The following CDH18 variants were observed in gnomAD, a reference collection of about 807,000 sequenced individuals.
CDH18 encodes the protein cadherin 18.
CDH18 carries 31 observed loss-of-function variants against 67.9 expected under a neutral mutation model. The observed-to-expected ratio is 0.46, with a 90% CI of 0.34 to 0.62. CDH18 has a LOEUF of 0.62. Among genes scored for constraint, CDH18 ranks in the 20% least tolerant of loss-of-function variants. The probability of loss-of-function intolerance (pLI) is 0.01; values close to 1 mark genes in which losing one functional copy is unlikely to be tolerated. For missense variants in CDH18, 890 were observed against 975.5 expected, an observed-to-expected ratio of 0.91 and a Z score of 1.17; for synonymous variants, 362 against 347.2, an observed-to-expected ratio of 1.04 and a Z score of -0.48.
chr5:20,235,331 A>T (rs1474589945), intron 2 of CDH18, among the ~76,000 whole-genome samples: 2 of 152,180 alleles, frequency 1.3e-5, no homozygotes, highest in Non-Finnish European at 2.9e-5. Context: ...CTATCAACAG[A>T]GTAAACAGAC....
intron 2 of CDH18, among the ~76,000 whole-genome samples, chr5:19,980,847 G>A (rs1327763349): frequency 6.6e-6 from 1 of 152,070 alleles, no homozygotes; most frequent in East Asian, 1.9e-4. Flanking sequence ...GCAAAACTCA[G>A]GTCTTTACTT....
chr5:20,464,417 G>A (rs1211762379), intron 1 of CDH18, among the ~76,000 whole-genome samples: 1 of 151,946 alleles, frequency 6.6e-6, no homozygotes, highest in Non-Finnish European at 1.5e-5. Flanking sequence ...AGAGTTCTTG[G>A]AAATAGTAAG....
intron 1 of CDH18, among the ~76,000 whole-genome samples, chr5:20,431,299 T>A (rs1748716288): frequency 6.6e-6 from 1 of 151,930 alleles, no homozygotes; most frequent in South Asian, 2.1e-4. Flanking sequence ...GAGACCAGTC[T>A]GGCCAATATG....
chr5:20,466,341 T>C (rs1455213338), intron 1 of CDH18, among the ~76,000 whole-genome samples: 2 of 152,084 alleles, frequency 1.3e-5, no homozygotes, highest in Admixed American at 6.6e-5. Context: ...CAATGTGCAG[T>C]ACATGATTTC....
chr5:20,546,698 A>G (rs1757364037), intron 1 of CDH18, among the ~76,000 whole-genome samples: 1 of 151,944 alleles, frequency 6.6e-6, no homozygotes, highest in Non-Finnish European at 1.5e-5. Flanking sequence ...TTACAATTCA[A>G]GATGAGATTT....
chr5:19,931,944 C>G (rs1793741342), intron 2 of CDH18, among the ~76,000 whole-genome samples: 1 of 151,718 alleles, frequency 6.6e-6, no homozygotes, highest in Non-Finnish European at 1.5e-5. Flanking sequence ...TCCCTCTATC[C>G]TATGCCACCT....
At chr5:19,594,365 C>T (rs1285179682) in intron 6 of CDH18, among the ~76,000 whole-genome samples, 1 of 152,096 alleles carries the variant, frequency 6.6e-6, no homozygotes, top group African/African-American at 2.4e-5. Context: ...GTTGGCCAGA[C>T]TGGTCTTGAA....
chr5:20,413,340 C>A (rs1384674540), intron 1 of CDH18, among the ~76,000 whole-genome samples: 1 of 152,160 alleles, frequency 6.6e-6, no homozygotes, highest in African/African-American at 2.4e-5. Context: ...AATGGGATGG[C>A]TGGGTCAAAT....
intron 3 of CDH18, among the ~76,000 whole-genome samples, chr5:19,785,422 G>A (rs1287159456): frequency 1.3e-5 from 2 of 150,998 alleles, no homozygotes; most frequent in African/African-American, 4.9e-5. Flanking sequence ...GGAGGCCGAG[G>A]CGGGCAGATC....
At chr5:20,494,358 A>C (rs1446921627) in intron 1 of CDH18, among the ~76,000 whole-genome samples, 2 of 152,094 alleles carry the variant, frequency 1.3e-5, no homozygotes, top group Admixed American at 1.3e-4. Context: ...GTCTGCAGGG[A>C]GTGTTCAAAG....
intron 2 of CDH18, among the ~76,000 whole-genome samples, chr5:20,164,336 T>C (rs571967489): frequency 1.3e-5 from 2 of 152,264 alleles, no homozygotes; most frequent in South Asian, 4.1e-4. Flanking sequence ...GCCCAGGCTG[T>C]AGTGCAGTGG....
chr5:20,183,299 A>G (rs570423652), intron 2 of CDH18, among the ~76,000 whole-genome samples: 1 of 152,230 alleles, frequency 6.6e-6, no homozygotes, highest in African/African-American at 2.4e-5. Flanking sequence ...AAATTCCCTC[A>G]GTAGTTTAGT....
chr5:19,901,390 C>A (rs182361019), intron 2 of CDH18, among the ~76,000 whole-genome samples: 1 of 152,188 alleles, frequency 6.6e-6, no homozygotes, highest in Non-Finnish European at 1.5e-5. Flanking sequence ...GTCTCCAAGA[C>A]ATCTTTCTTC....
intron 1 of CDH18, among the ~76,000 whole-genome samples, chr5:20,318,703 T>G (rs1020272060): frequency 6.6e-6 from 1 of 152,144 alleles, no homozygotes; most frequent in Admixed American, 6.5e-5. Flanking sequence ...ATGGTGACGA[T>G]GGTGACATGT....
chr5:19,858,087 A>G (rs780859879), intron 2 of CDH18, among the ~76,000 whole-genome samples: 13 of 152,180 alleles, frequency 8.5e-5, no homozygotes, highest in Non-Finnish European at 1.6e-4. Flanking sequence ...TGATAATGTT[A>G]ACTCAAAGCA....
intron 2 of CDH18, among the ~76,000 whole-genome samples, chr5:19,994,093 GGA>G (rs1326843804): frequency 6.6e-6 from 1 of 152,010 alleles, no homozygotes; most frequent in Non-Finnish European, 1.5e-5. Context: ...TCTTGAAAGA[GGA>G]ATAAAGCAGA....
rs1276175973 is a variant in CDH18, at chr5:19,471,804, GATA to G, written c.*1419_*1421del. ...TGAAGATTTCATGAAATTCTCCTGT[GATA>G]ATATTTTATGCCAGATGCATGTAAA... is the stretch of plus-strand genomic sequence containing the variant. On this transcript the variant is annotated 3_prime_UTR_variant, in exon 13 of 13. Transcript: ENST00000382275. Among the ~76,000 whole-genome samples, 2 of 152,134 alleles carry G rather than the reference GATA, an allele frequency of 1.3e-5. No individual in the cohort carries two copies. Among genetic ancestry groups the G allele is most frequent in the Non-Finnish European group, 1.5e-5 (1 of 68,028 alleles).
At chr5:20,448,147 G>A (rs562312701) in intron 1 of CDH18, among the ~76,000 whole-genome samples, 1 of 152,064 alleles carries the variant, frequency 6.6e-6, no homozygotes, top group South Asian at 2.1e-4. Flanking sequence ...AGAACATGCG[G>A]TGTTTGGTTT....
At chr5:19,874,439 T>C (rs1237731427) in intron 2 of CDH18, among the ~76,000 whole-genome samples, 1 of 152,216 alleles carries the variant, frequency 6.6e-6, no homozygotes, top group Admixed American at 6.5e-5. Context: ...ATTTTATATG[T>C]TTCTATAGTA....
Sources: gnomAD v4.1 joint callset for allele counts (sites outside exome capture counted in the v4.1 genomes callset) on GRCh38, gnomAD v4.1.1 for gene constraint, MANE v1.5 for transcripts, NCBI Gene and HGNC (gene_info 2026-07-23, HGNC 2026-07-21) for gene names.